Variants in PTGFRN observed in about 807,000 individuals in gnomAD.
PTGFRN encodes the protein prostaglandin F2 receptor negative regulator.
PTGFRN carries 35 observed loss-of-function variants against 83.2 expected under a neutral mutation model. The ratio of observed to expected loss-of-function variants is 0.42; its 90% CI spans 0.32 to 0.56. The LOEUF is 0.56. Among genes scored for constraint, PTGFRN ranks in the 20% least tolerant of loss-of-function variants. The pLI, the probability that PTGFRN is intolerant of heterozygous loss-of-function variation, is 0.11. For missense variants in PTGFRN, 1,051 were observed against 1,179.5 expected (o/e 0.89, Z 1.60); for synonymous variants, 519 against 498.6 (o/e 1.04, Z -0.55).
intron 1 of PTGFRN, among the ~76,000 whole-genome samples, chr1:116,924,942 CGTG>C (rs1649617915): frequency 6.6e-6 from 1 of 152,094 alleles, no homozygotes; most frequent in Non-Finnish European, 1.5e-5. Context: ...TCCAGGTGAT[CGTG>C]GTGGCAAGCA....
intron 6 of PTGFRN, among the ~76,000 whole-genome samples, 169 bp downstream of exon 6, chr1:116,967,499 G>A (rs558791950): frequency 3.9e-5 from 6 of 152,170 alleles, no homozygotes; most frequent in Admixed American, 3.3e-4. Flanking sequence ...TCACAAAGTT[G>A]TGTGATCATC....
chr1:116,957,261 C>A (rs1016948206), intron 4 of PTGFRN, among the ~76,000 whole-genome samples: 1 of 151,788 alleles, frequency 6.6e-6, no homozygotes, highest in African/African-American at 2.4e-5. Flanking sequence ...CATGGATGCT[C>A]AGTTAGAATG....
chr1:116,960,820 C>T (rs150536920), intron 4 of PTGFRN, among the ~76,000 whole-genome samples: 13 of 152,228 alleles, frequency 8.5e-5, no homozygotes, highest in Admixed American at 3.3e-4. Flanking sequence ...TGGGGTTTTC[C>T]GATACTGTTC....
Position 116,975,601 on chromosome 1 carries a change from C to T in PTGFRN, c.2167+1278C>T, listed in dbSNP as rs1557748960. Among the ~76,000 whole-genome samples, 3 of 152,280 alleles carry T rather than the reference C, an allele frequency of 2.0e-5. No individual in the cohort carries two copies. The South Asian group carries it at 6.2e-4, about 32-fold the overall frequency. Reference sequence around the variant, plus strand: ...GTTCTACAACCTCCACTGCTGATACCCAGGCAAACAGGGTCTGGAGTGGAC... The same window carrying T: ...GTTCTACAACCTCCACTGCTGATACTCAGGCAAACAGGGTCTGGAGTGGAC... On this transcript the variant is annotated intron_variant, in intron 7 of 8. Transcript: ENST00000393203.
intron 6 of PTGFRN, among the ~76,000 whole-genome samples, chr1:116,970,999 T>A (rs1386326828): frequency 6.6e-6 from 1 of 152,182 alleles, no homozygotes; most frequent in Non-Finnish European, 1.5e-5. Context: ...GAATAATAAA[T>A]TTTTTTCTTC....
At chr1:116,969,752 G>A (rs150463016) in intron 6 of PTGFRN, among the ~76,000 whole-genome samples, 76 of 152,142 alleles carry the variant, frequency 5.0e-4, no homozygotes, top group African/African-American at 1.6e-3. Flanking sequence ...ATTTATTTAG[G>A]TATTTAAATT....
intron 1 of PTGFRN, among the ~76,000 whole-genome samples, chr1:116,938,304 G>C (rs1649974126): frequency 6.6e-6 from 1 of 152,194 alleles, no homozygotes; most frequent in Non-Finnish European, 1.5e-5. Context: ...TCACGCTGCT[G>C]ATAAAGACAT....
At chr1:116,964,253 CT>C (rs1296716714) in intron 5 of PTGFRN, among the ~76,000 whole-genome samples, 1 of 152,184 alleles carries the variant, frequency 6.6e-6, no homozygotes, top group Non-Finnish European at 1.5e-5. Context: ...TCAAATCAGG[CT>C]TTCCCCTCAG....
At chr1:116,931,953 C>G (rs1649813918) in intron 1 of PTGFRN, among the ~76,000 whole-genome samples, 1 of 152,208 alleles carries the variant, frequency 6.6e-6, no homozygotes. Context: ...CATTTCAACT[C>G]ACCTGTACCA....
chr1:116,917,266 G>C (rs1157815978), intron 1 of PTGFRN, among the ~76,000 whole-genome samples: 1 of 152,008 alleles, frequency 6.6e-6, no homozygotes, highest in Non-Finnish European at 1.5e-5. Flanking sequence ...GAAGACCACT[G>C]TGAGGGTAGT....
chr1:116,960,555 A>G (rs541913477), intron 4 of PTGFRN, among the ~76,000 whole-genome samples: 17 of 152,296 alleles, frequency 1.1e-4, no homozygotes, highest in Non-Finnish European at 2.1e-4. Context: ...TCACTAGGGC[A>G]AGATTCACAG....
chr1:116,913,359 T>C (rs1372215622), intron 1 of PTGFRN, among the ~76,000 whole-genome samples: 1 of 149,420 alleles, frequency 6.7e-6, no homozygotes, highest in Non-Finnish European at 1.5e-5. Context: ...TGAAAGTACA[T>C]GGCTCATTGA....
intron 1 of PTGFRN, among the ~76,000 whole-genome samples, chr1:116,928,941 T>C (rs1649722619): frequency 6.6e-6 from 1 of 152,180 alleles, no homozygotes; most frequent in African/African-American, 2.4e-5. Context: ...CTGATGACTC[T>C]CTAGTGAGTA....
intron 4 of PTGFRN, among the ~76,000 whole-genome samples, chr1:116,955,043 A>G (rs1276433330): frequency 6.6e-6 from 1 of 152,256 alleles, no homozygotes; most frequent in African/African-American, 2.4e-5. Context: ...TCTCCTGCAC[A>G]TAGTAGGCCC....
intron 7 of PTGFRN, among the ~76,000 whole-genome samples, chr1:116,975,813 C>T (rs561842512): frequency 5.3e-5 from 8 of 152,284 alleles, no homozygotes; most frequent in African/African-American, 1.4e-4. Flanking sequence ...AAAATCAGAG[C>T]ACCTCTCCCC....
intron 7 of PTGFRN, among the ~76,000 whole-genome samples, chr1:116,977,791 C>G (rs1226759543): frequency 6.6e-6 from 1 of 152,066 alleles, no homozygotes; most frequent in East Asian, 1.9e-4. Context: ...AATTGACACC[C>G]TAACATCACA....
chr1:116,960,786 C>T (rs550642949), intron 4 of PTGFRN, among the ~76,000 whole-genome samples: 8 of 152,084 alleles, frequency 5.3e-5, no homozygotes, highest in African/African-American at 9.7e-5. Flanking sequence ...TGATGGGCCT[C>T]GAGTTCTGGA....
intron 6 of PTGFRN, among the ~76,000 whole-genome samples, chr1:116,967,793 C>T (rs986501649): frequency 2.6e-5 from 4 of 152,176 alleles, no homozygotes; most frequent in African/African-American, 4.8e-5. Context: ...AAGATTCCAT[C>T]GTATGGATAT....
intron 7 of PTGFRN, among the ~76,000 whole-genome samples, chr1:116,979,647 C>T (rs1651254656): frequency 6.6e-6 from 1 of 152,242 alleles, no homozygotes; most frequent in South Asian, 2.1e-4. Context: ...ATAAATGGTG[C>T]TGGGAAAACT....
Sources: gnomAD v4.1 joint callset for allele counts (sites outside exome capture counted in the v4.1 genomes callset) on GRCh38, gnomAD v4.1.1 for gene constraint, MANE v1.5 for transcripts, NCBI Gene and HGNC (gene_info 2026-07-23, HGNC 2026-07-21) for gene names.